TBK1: variants seen among roughly 807,000 people sequenced by gnomAD.
The protein encoded by TBK1 is serine/threonine-protein kinase TBK1.
Under a neutral mutation model 99.9 loss-of-function variants are expected in TBK1, and 37 were observed. That is an observed-to-expected ratio of 0.37 (90% CI 0.28 to 0.49). The LOEUF (loss-of-function observed/expected upper bound fraction) is 0.49, where lower values mean the gene tolerates loss of function less well. Among genes scored for constraint, TBK1 ranks in the 20% least tolerant of loss-of-function variants. The pLI, the probability that TBK1 is intolerant of heterozygous loss-of-function variation, is 0.98. For missense variants in TBK1, 644 were observed against 872.5 expected, an observed-to-expected ratio of 0.74 and a Z score of 3.30; for synonymous variants, 258 against 279.8, an observed-to-expected ratio of 0.92 and a Z score of 0.78.
chr12:64,495,840 A>T, intron 15 of TBK1, 65 bp downstream of exon 15: 1 of 1,310,906 alleles, frequency 7.6e-7, no homozygotes. Context: ...TAATTCAGTT[A>T]AATTAATTTG....
intron 6 of TBK1, among the ~76,000 whole-genome samples, chr12:64,477,825 T>A (rs1267490160): frequency 6.6e-6 from 1 of 152,162 alleles, no homozygotes; most frequent in East Asian, 1.9e-4. Context: ...CTGTGCCTAG[T>A]TTGTTGAGAT....
rs753694282 is a variant in TBK1, at chr12:64,484,368, T to C, written c.1058T>C (p.Ile353Thr). The change falls in exon 9 of 21, where the codon ATC becomes ACC. Residue 353 changes from isoleucine to threonine, a missense_variant. Physicochemically the swap from Ile to Thr is moderately conservative, Grantham distance 89. This residue lies in a region of TBK1 where 465 missense variants were observed against 588.0 expected (regional missense o/e 0.79). Coordinates refer to ENST00000331710, the MANE Select transcript of TBK1 (RefSeq NM_013254.4). ...ATTATTTCTTCAAATCAAGAACTTA[T>C]CTACGAAGGGCGACGCTTAGTCTTA... is the stretch of plus-strand genomic sequence containing the variant. Reference protein sequence around the residue: ...TKIISSNQELIYEGRRLVLEP... With the variant: ...TKIISSNQELTYEGRRLVLEP... 8.1e-6 allele frequency: 13 copies of C among 1,614,022 alleles called. No homozygotes were observed. The highest frequency in any genetic ancestry group is 1.6e-4 in the Middle Eastern group (1 of 6,062).
chr12:64,457,043 C>T (rs951716719), intron 2 of TBK1, among the ~76,000 whole-genome samples: 1 of 152,060 alleles, frequency 6.6e-6, no homozygotes, highest in Non-Finnish European at 1.5e-5. Flanking sequence ...TTTTTCAGTG[C>T]TATGAATTTG....
chr12:64,455,918 C>T lies in TBK1; in HGVS notation c.48C>T (p.Gly16=), dbSNP rs1200764973. The T allele has an allele frequency of 1.2e-6, 2 of 1,613,804 alleles. No homozygotes were observed. Among genetic ancestry groups the T allele is most frequent in the East Asian group, 2.2e-5 (1 of 44,862 alleles). The change falls in exon 2 of 21, where the codon GGC becomes GGT. Residue 16 remains glycine (G), a synonymous_variant. Transcript: ENST00000331710. ...NHLWLLSDIL[G]QGATANVFRG... ...TGTGGCTTTTATCTGATATTTTAGG[C>T]CAAGGAGCTACTGCAAATGTCTTTC...
intron 13 of TBK1, among the ~76,000 whole-genome samples, chr12:64,494,280 T>C (rs1264949185): frequency 6.7e-6 from 1 of 148,416 alleles, no homozygotes; most frequent in African/African-American, 2.5e-5. Flanking sequence ...CCTGGGAACA[T>C]GGTGAAACCC....
At chr12:64,495,207 T>C (rs1445736165) in intron 13 of TBK1, among the ~76,000 whole-genome samples, 3 of 152,222 alleles carry the variant, frequency 2.0e-5, no homozygotes. Context: ...GAAACAAGAT[T>C]AGAAGTATTT....
intron 8 of TBK1, 103 bp from the exon 9 acceptor site, chr12:64,484,200 T>C (rs1397956005): frequency 1.4e-6 from 1 of 739,788 alleles, no homozygotes; most frequent in African/African-American, 1.8e-5. Flanking sequence ...GGTTATGATA[T>C]TAGGGATATG....
rs1337698475 is a variant in TBK1, at chr12:64,466,922, G to A, written c.380G>A (p.Arg127Gln). 3.1e-6 allele frequency: 5 copies of A among 1,593,224 alleles called. No individual in the cohort carries two copies. The highest frequency in any genetic ancestry group is 2.7e-5 in the African/African-American group (2 of 73,942). ...GAAGTGGGTGGAATGAATCATCTAC[G>A]AGAGAATGGTATAGTGCACCGTGAT... ...RDVVGGMNHLRENGIVHRDIK... is the reference protein window; with the variant it reads ...RDVVGGMNHLQENGIVHRDIK... Residue 127 changes from arginine to glutamine, a missense_variant, in exon 5 of 21, where the codon CGA becomes CAA. Arg to Gln is a conservative substitution (Grantham distance 43). This residue lies in a region of TBK1 where 148 missense variants were observed against 202.1 expected (regional missense o/e 0.73). Transcript: ENST00000331710.
intron 6 of TBK1, among the ~76,000 whole-genome samples, chr12:64,476,055 T>G (rs936151769): frequency 1.3e-5 from 2 of 152,040 alleles, no homozygotes; most frequent in African/African-American, 4.8e-5. Flanking sequence ...ATAGCCATTC[T>G]GACTGGCGTG....
chr12:64,484,705 T>C lies in TBK1; in HGVS notation c.1189+206T>C, dbSNP rs181093289. Among the ~76,000 whole-genome samples the C allele has an allele frequency of 3.5e-4, 53 of 152,184 alleles. 2 individuals are homozygous for C. The highest frequency in any genetic ancestry group is 2.5e-3 in the Admixed American group (38 of 15,282). ...AGGCAGAGGTTGCAGTAAGCCGAGATTGCACCACTGCACTCCAGCCTGGGA... is the reference window on the plus strand; with the variant it reads ...AGGCAGAGGTTGCAGTAAGCCGAGACTGCACCACTGCACTCCAGCCTGGGA... On this transcript the variant is annotated intron_variant, in intron 9 of 20. Coordinates refer to ENST00000331710, the MANE Select transcript of TBK1 (RefSeq NM_013254.4).
At chr12:64,483,793 G>A (rs937093287) in intron 8 of TBK1, among the ~76,000 whole-genome samples, 1 of 152,138 alleles carries the variant, frequency 6.6e-6, no homozygotes, top group Non-Finnish European at 1.5e-5. Flanking sequence ...TATCACTTGA[G>A]GCCAGGAGTT....
At chr12:64,462,457 A>G (rs1485358518) in intron 3 of TBK1, among the ~76,000 whole-genome samples, 1 of 152,224 alleles carries the variant, frequency 6.6e-6, no homozygotes, top group African/African-American at 2.4e-5. Context: ...TATCTATGAC[A>G]TTATTTCATC....
At chr12:64,471,630 G>A (rs190272941) in intron 5 of TBK1, among the ~76,000 whole-genome samples, 30 of 152,192 alleles carry the variant, frequency 2.0e-4, no homozygotes, top group South Asian at 6.2e-4. Context: ...TGGGATTACA[G>A]GATGTGAGCC....
chr12:64,455,442 A>G (rs970164796), intron 1 of TBK1, among the ~76,000 whole-genome samples: 1 of 152,238 alleles, frequency 6.6e-6, no homozygotes, highest in African/African-American at 2.4e-5. Flanking sequence ...TAATCCATTT[A>G]TACCATTATG....
chr12:64,475,652 A>G (rs1185080689), intron 6 of TBK1, among the ~76,000 whole-genome samples: 2 of 152,216 alleles, frequency 1.3e-5, no homozygotes, highest in African/African-American at 4.8e-5. Flanking sequence ...CACTTAGGAT[A>G]AAGGTCTCCA....
intron 2 of TBK1, among the ~76,000 whole-genome samples, chr12:64,459,167 C>T (rs1383513343): frequency 1.3e-5 from 2 of 152,076 alleles, no homozygotes; most frequent in Non-Finnish European, 2.9e-5. Context: ...ATGAAATGTG[C>T]TTGAACCCCA....
rs759745617 is a variant in TBK1 at position 64,464,512 on chromosome 12, CAG to C, written c.358+51_358+52del. The C allele has an allele frequency of 2.8e-5, 39 of 1,407,392 alleles. 1 individual carries two copies. The highest frequency in any genetic ancestry group is 1.8e-4 in the South Asian group (12 of 66,738). The allele number at this position is 1,407,392 out of a possible 1,614,324, so 87.2% of individuals were successfully genotyped here. ...ATCATTTGTATATAAAATTTAATAA[CAG>C]AATTTTTAAAAAATATCTTCCATTC... On this transcript the variant is annotated intron_variant, in intron 4 of 20. Coordinates refer to ENST00000331710, the MANE Select transcript of TBK1 (RefSeq NM_013254.4).
intron 11 of TBK1, among the ~76,000 whole-genome samples, chr12:64,486,649 G>A (rs1478136968): frequency 6.6e-6 from 1 of 151,466 alleles, no homozygotes; most frequent in Non-Finnish European, 1.5e-5. Flanking sequence ...GCCCAGGCTG[G>A]TCTCAAACTC....
Position 64,489,991 on chromosome 12 carries a change from C to G in TBK1, c.1443-50C>G, listed in dbSNP as rs1565822245. ...TTATTTATAAAACATCTTTTTAAAA[C>G]TATGTATTGATTATACTCATTTAAT... is the stretch of plus-strand genomic sequence containing the variant. On this transcript the variant is annotated intron_variant, in intron 12 of 20. Coordinates refer to ENST00000331710, the MANE Select transcript of TBK1 (RefSeq NM_013254.4). 13 of 1,075,982 alleles carry G rather than the reference C, an allele frequency of 1.2e-5. 1 individual carries two copies. Among genetic ancestry groups the G allele is most frequent in the Non-Finnish European group, 1.7e-5 (13 of 744,828 alleles). 66.7% of individuals were successfully genotyped at this position (1,075,982 alleles called of 1,614,324 possible).
Sources: allele counts gnomAD v4.1 joint callset (sites outside exome capture counted in the v4.1 genomes callset), GRCh38; gene constraint gnomAD v4.1.1; regional missense constraint gnomAD v4.1.1; transcripts MANE v1.5; gene names NCBI Gene and HGNC (gene_info 2026-07-23, HGNC 2026-07-21).